Variants in SMYD4 observed in about 807,000 individuals in gnomAD.
SMYD4 encodes SET and MYND domain containing 4, also known as protein-lysine N-methyltransferase SMYD4.
In SMYD4, 68 loss-of-function variants were observed where a neutral mutation model predicts 72.8. That is an observed-to-expected ratio of 0.93 (90% CI 0.77 to 1.14). SMYD4 has a LOEUF of 1.14. Among genes scored for constraint, SMYD4 ranks in the 50% most tolerant of loss-of-function variants. The pLI is 0.00. For missense variants in SMYD4, 984 were observed against 1,003.7 expected (o/e 0.98, Z 0.27); for synonymous variants, 407 against 388.6 (o/e 1.05, Z -0.56).
chr17:1,813,209 G>T (rs1481197330), intron 2 of SMYD4, among the ~76,000 whole-genome samples: 1 of 152,130 alleles, frequency 6.6e-6, no homozygotes, highest in Non-Finnish European at 1.5e-5. Context: ...AAAGTGTTGG[G>T]ATTACAGGCA....
At position 1,783,495 on chromosome 17, in the gene SMYD4, G is replaced by C. The variant is rs761877910; in HGVS notation, c.2021-19C>G. On this transcript the variant is annotated intron_variant, in intron 8 of 10. Coordinates refer to ENST00000305513, the MANE Select transcript of SMYD4 (RefSeq NM_052928.3). The stretch of plus-strand genomic sequence containing the variant: ...GCTCGCTCTGTCAATGCAGAGGAAA[G>C]ACGTCTCACTATAGACAGAAGCCCA... 2.0e-5 allele frequency: 31 copies of C among 1,588,258 alleles called. No homozygotes were observed. In the South Asian group the frequency reaches 2.2e-4, roughly 11 times the overall value.
At chr17:1,813,645 A>C (rs1246076530) in intron 2 of SMYD4, among the ~76,000 whole-genome samples, 1 of 151,998 alleles carries the variant, frequency 6.6e-6, no homozygotes, top group Non-Finnish European at 1.5e-5. Flanking sequence ...TGAACTTCTG[A>C]GCTCAGGCAA....
chr17:1,828,786 G>A (rs1476141292), intron 1 of SMYD4, among the ~76,000 whole-genome samples: 4 of 151,842 alleles, frequency 2.6e-5, no homozygotes, highest in African/African-American at 7.3e-5. Context: ...TAGTAGAGAC[G>A]GGGTTTCACC....
In SMYD4 at chr17:1,801,151, C is replaced by T. The variant is rs1330135281; in HGVS notation, c.370-127G>A. The T allele has an allele frequency of 1.1e-5, 9 of 801,624 alleles. No individual in the cohort carries two copies. In the East Asian group the frequency reaches 1.8e-4, roughly 16 times the overall value. 49.7% of individuals were successfully genotyped at this position (801,624 alleles called of 1,614,324 possible). A position where few individuals can be genotyped will look rare whatever the true frequency, so the allele number is the denominator to read the frequency against. Reference sequence around the variant, plus strand: ...AAAATGGAACAATTACAACCACATGCTTATTAAAATCATATAGTTCTGTGT... The same window carrying T: ...AAAATGGAACAATTACAACCACATGTTTATTAAAATCATATAGTTCTGTGT... On this transcript the variant is annotated intron_variant, in intron 4 of 10. Coordinates refer to ENST00000305513, the MANE Select transcript of SMYD4 (RefSeq NM_052928.3).
intron 2 of SMYD4, chr17:1,814,635 G>A (rs1053839801): frequency 4.0e-5 from 6 of 150,712 alleles, no homozygotes; most frequent in Non-Finnish European, 8.8e-5. Context: ...GACCAGCCTG[G>A]GCAACATAGT....
chr17:1,783,430 G>A lies in SMYD4; in HGVS notation c.2067C>T (p.Ser689=), dbSNP rs1908480342. 1.2e-6 allele frequency: 2 copies of A among 1,612,598 alleles called. No homozygotes were observed. The highest frequency in any genetic ancestry group is 1.3e-5 in the African/African-American group (1 of 74,914). Residue 689 remains serine, a synonymous_variant, in exon 9 of 11, where the codon AGC becomes AGT. Transcript: ENST00000305513. The part of the protein sequence containing the change: ...RLSGCQRDAE[S]FLWAEHAVVG... Reference sequence around the variant, plus strand: ...CCACGGCGTGCTCTGCCCACAGGAAGCTCTCGGCGTCACGCTGGCACCCCG... The same window carrying A: ...CCACGGCGTGCTCTGCCCACAGGAAACTCTCGGCGTCACGCTGGCACCCCG...
chr17:1,798,363 C>T (rs1456360995), intron 5 of SMYD4, among the ~76,000 whole-genome samples: 1 of 152,138 alleles, frequency 6.6e-6, no homozygotes, highest in Non-Finnish European at 1.5e-5. Flanking sequence ...CCACCCCGGC[C>T]TCCCAAAGTG....
intron 2 of SMYD4, among the ~76,000 whole-genome samples, chr17:1,818,347 A>G (rs1248582978): frequency 6.6e-6 from 1 of 152,190 alleles, no homozygotes; most frequent in Non-Finnish European, 1.5e-5. Flanking sequence ...TACCTGGGAC[A>G]TATCCACATA....
Position 1,814,122 on chromosome 17 carries a change from T to C in SMYD4, c.135-2007A>G, listed in dbSNP as rs972803542. Among the ~76,000 whole-genome samples, 6 of 151,952 alleles carry C rather than the reference T, an allele frequency of 3.9e-5. No individual in the cohort carries two copies. The East Asian group carries it at 5.8e-4, about 15-fold the overall frequency. ...GCTCAGGAGGCTAGCCTGGGCAACA[T>C]GGGAAGACCCTGTCTCTACAAAAAA... On this transcript the variant is annotated intron_variant, in intron 2 of 10. Coordinates refer to ENST00000305513, the MANE Select transcript of SMYD4 (RefSeq NM_052928.3).
intron 5 of SMYD4, among the ~76,000 whole-genome samples, chr17:1,791,362 T>C (rs555566179): frequency 6.6e-6 from 1 of 152,022 alleles, no homozygotes; most frequent in Non-Finnish European, 1.5e-5. Flanking sequence ...CTGGGGAACT[T>C]TGATTAAACA....
At chr17:1,785,688 A>G (rs965648199) in intron 7 of SMYD4, among the ~76,000 whole-genome samples, 1 of 148,470 alleles carries the variant, frequency 6.7e-6, no homozygotes, top group Non-Finnish European at 1.5e-5. Flanking sequence ...TGAGTCTGGG[A>G]GGTTGAGGCT....
intron 5 of SMYD4, 144 bp from the exon 6 acceptor site, chr17:1,787,748 A>C: frequency 1.2e-6 from 1 of 853,988 alleles, no homozygotes; most frequent in Non-Finnish European, 1.8e-6. Context: ...TATAAATCAG[A>C]TGGGACATGA....
At chr17:1,783,203 A>G in intron 9 of SMYD4, 45 bp from the exon 10 acceptor site, 2 of 1,613,534 alleles carry the variant, frequency 1.2e-6, no homozygotes, top group Non-Finnish European at 1.7e-6. Flanking sequence ...ACCACTGTCA[A>G]CTGTGGATGC....
chr17:1,779,660 C>A lies in SMYD4; in HGVS notation c.*1626G>T, dbSNP rs1032841061. On this transcript the variant is annotated 3_prime_UTR_variant, in exon 11 of 11. Transcript: ENST00000305513. ...AACTGGCAGGAAACACACTGACAGC[C>A]GTCATCCCTGGAGGAAACTGCTCAA... The A allele has an allele frequency of 1.3e-5, 2 of 152,212 alleles. No homozygotes were observed. Among genetic ancestry groups the A allele is most frequent in the African/African-American group, 4.8e-5 (2 of 41,446 alleles). 9.4% of individuals were successfully genotyped at this position (152,212 alleles called of 1,614,324 possible). A position where few individuals can be genotyped will look rare whatever the true frequency, so the allele number is the denominator to read the frequency against.
chr17:1,781,483 G>C, intron 10 of SMYD4, 44 bp from the exon 11 acceptor site: 2 of 1,594,260 alleles, frequency 1.3e-6, no homozygotes, highest in East Asian at 2.2e-5. Flanking sequence ...TGATTTGTGA[G>C]GCAAATGTTA....
chr17:1,791,116 C>A (rs1442054490), intron 5 of SMYD4, among the ~76,000 whole-genome samples: 244 of 86,578 alleles, frequency 2.8e-3, no homozygotes, highest in Middle Eastern at 8.1e-3. Flanking sequence ...TGGCCCGTCT[C>A]AAAAAAAAAA....
At chr17:1,825,142 A>G (rs1911099745) in intron 2 of SMYD4, among the ~76,000 whole-genome samples, 2 of 152,168 alleles carry the variant, frequency 1.3e-5, no homozygotes. Context: ...GAGTAACATG[A>G]GTAGGAATTT....
Position 1,812,208 on chromosome 17 carries a change from G to A in SMYD4, c.135-93C>T, listed in dbSNP as rs894232927. 2.7e-5 allele frequency: 37 copies of A among 1,364,726 alleles called. No homozygotes were observed. In the South Asian group the frequency reaches 3.7e-4, roughly 14 times the overall value. 84.5% of individuals were successfully genotyped at this position (1,364,726 alleles called of 1,614,324 possible). A position where few individuals can be genotyped will look rare whatever the true frequency, so the allele number is the denominator to read the frequency against. ...GCCCTCAAAACAAGAAAGTGGGCCCGCAAAACATTTCACACACATGAGGAT... is the reference window on the plus strand; with the variant it reads ...GCCCTCAAAACAAGAAAGTGGGCCCACAAAACATTTCACACACATGAGGAT... On this transcript the variant is annotated intron_variant, in intron 2 of 10. Transcript: ENST00000305513.
At chr17:1,827,165 A>G (rs1911222656) in intron 2 of SMYD4, among the ~76,000 whole-genome samples, 1 of 151,766 alleles carries the variant, frequency 6.6e-6, no homozygotes, top group Non-Finnish European at 1.5e-5. Context: ...AAAAAATAAA[A>G]TAAAATAAAA....
Sources: allele counts gnomAD v4.1 joint callset (sites outside exome capture counted in the v4.1 genomes callset), GRCh38; gene constraint gnomAD v4.1.1; transcripts MANE v1.5; gene names NCBI Gene and HGNC (gene_info 2026-07-23, HGNC 2026-07-21).